U2AF2: variants seen among roughly 807,000 people sequenced by gnomAD.
The protein encoded by U2AF2 is splicing factor U2AF 65 kDa subunit.
In U2AF2, 6 loss-of-function variants were observed where a neutral mutation model predicts 52.6. That is an observed-to-expected ratio of 0.11 (90% CI 0.06 to 0.23). U2AF2 has a LOEUF of 0.23. U2AF2 is among the 10% of genes least tolerant of loss of function. The pLI, the probability that U2AF2 is intolerant of heterozygous loss-of-function variation, is 1.00. For synonymous variants in U2AF2, 284 were observed against 258.2 expected, an observed-to-expected ratio of 1.10 and a Z score of -0.96; for missense variants, 222 against 677.1, an observed-to-expected ratio of 0.33 and a Z score of 7.46.
intron 1 of U2AF2, among the ~76,000 whole-genome samples, chr19:55,657,887 GC>G (rs1345089511): frequency 6.6e-6 from 1 of 152,108 alleles, no homozygotes; most frequent in Non-Finnish European, 1.5e-5. Context: ...CATTATGTCA[GC>G]CCCCAGCAGT....
intron 7 of U2AF2, among the ~76,000 whole-genome samples, chr19:55,666,328 C>T (rs754704745): frequency 3.9e-5 from 6 of 152,216 alleles, no homozygotes; most frequent in Non-Finnish European, 7.3e-5. Context: ...TAGATGCAGC[C>T]GCTGCAGAGG....
rs372565135 is a variant in U2AF2, at chr19:55,669,650, C to T, written c.1251C>T (p.Ile417=). The part of the protein sequence containing the change: ...SKYGLVKSIE[I]PRPVDGVEVP... ...ACGGGCTTGTCAAGTCCATCGAGAT[C>T]CCCCGGCCTGTGGACGGCGTCGAGG... Residue 417 remains isoleucine, a synonymous_variant, in exon 11 of 12, where the codon ATC becomes ATT. Coordinates refer to ENST00000308924, the MANE Select transcript of U2AF2 (RefSeq NM_007279.3). 5.0e-6 allele frequency: 8 copies of T among 1,612,248 alleles called. No individual in the cohort carries two copies. Among genetic ancestry groups the T allele is most frequent in the South Asian group, 4.4e-5 (4 of 91,024 alleles).
chr19:55,667,716 T>C (rs1246754845), intron 7 of U2AF2, among the ~76,000 whole-genome samples: 1 of 151,902 alleles, frequency 6.6e-6, no homozygotes, highest in Non-Finnish European at 1.5e-5. Flanking sequence ...GTGCCACCCC[T>C]GTGAGGGCAG....
intron 1 of U2AF2, 72 bp downstream of exon 1, chr19:55,655,225 T>G (rs1983699373): frequency 1.3e-6 from 2 of 1,519,646 alleles, no homozygotes; most frequent in Non-Finnish European, 1.8e-6. Context: ...CCCGCCATTT[T>G]CTCCCTCGCT....
In U2AF2 at chr19:55,674,140, C is replaced by G; in HGVS notation, c.*72C>G. On this transcript the variant is annotated 3_prime_UTR_variant, in exon 12 of 12. Transcript: ENST00000308924. Reference sequence around the variant, plus strand: ...CCACTCCCGCCCCCCCCTTATCCCCCTCTGAAGACGATGGGCAGAGGAGTG... The same window carrying G: ...CCACTCCCGCCCCCCCCTTATCCCCGTCTGAAGACGATGGGCAGAGGAGTG... 6.9e-7 allele frequency: 1 copy of G among 1,456,900 alleles called. No homozygotes were observed. Among genetic ancestry groups the G allele is most frequent in the Admixed American group, 2.4e-5 (1 of 41,234 alleles). The allele number at this position is 1,456,900 out of a possible 1,614,324, so 90.2% of individuals were successfully genotyped here. A position where few individuals can be genotyped will look rare whatever the true frequency, so the allele number is the denominator to read the frequency against.
intron 11 of U2AF2, 104 bp from the exon 12 acceptor site, chr19:55,673,830 C>T (rs1270357109): frequency 1.3e-6 from 2 of 1,485,168 alleles, no homozygotes; most frequent in Non-Finnish European, 1.8e-6. Flanking sequence ...GGCGAAGCCC[C>T]CTCCTCCCTG....
rs926618789 is a variant in U2AF2 at position 55,655,043 on chromosome 19, C to T, written c.-62C>T. 3.8e-6 allele frequency: 6 copies of T among 1,590,764 alleles called. No homozygotes were observed. The highest frequency in any genetic ancestry group is 1.4e-5 in the African/African-American group (1 of 73,104). ...AAGCCAGCGGCGGAAGTAGCCGAAGCGGCTGGAGCGGGCGGCAAGGCGAGG... is the reference window on the plus strand; with the variant it reads ...AAGCCAGCGGCGGAAGTAGCCGAAGTGGCTGGAGCGGGCGGCAAGGCGAGG... On this transcript the variant is annotated 5_prime_UTR_variant, in exon 1 of 12. Transcript: ENST00000308924.
At chr19:55,671,831 T>G (rs1423206124) in intron 11 of U2AF2, 2 of 152,242 alleles carry the variant, frequency 1.3e-5, no homozygotes, top group Non-Finnish European at 2.9e-5. Flanking sequence ...GCATATTAAA[T>G]TTATTGCATC....
chr19:55,674,359 G>C lies in U2AF2; in HGVS notation c.*291G>C, dbSNP rs993446045. 1.2e-4 allele frequency: 44 copies of C among 361,966 alleles called. 1 individual carries two copies. The East Asian group carries it at 2.3e-3, about 19-fold the overall frequency. The allele number at this position is 361,966 out of a possible 1,614,324, so 22.4% of individuals were successfully genotyped here. On this transcript the variant is annotated 3_prime_UTR_variant, in exon 12 of 12. Coordinates refer to ENST00000308924, the MANE Select transcript of U2AF2 (RefSeq NM_007279.3). The stretch of plus-strand genomic sequence containing the variant: ...ATGGGGACAGGGTGCACAGCAGGGC[G>C]GGGTAGGACCCCAGCCCCTCCCAAA...
At chr19:55,663,553 G>C (rs1984354295) in intron 6 of U2AF2, 53 bp from the exon 7 acceptor site, 11 of 1,590,988 alleles carry the variant, frequency 6.9e-6, no homozygotes, top group South Asian at 6.8e-5. Context: ...AACACTAGGG[G>C]CTGTACTAGT....
intron 1 of U2AF2, among the ~76,000 whole-genome samples, chr19:55,656,025 G>A (rs1311818122): frequency 6.6e-6 from 1 of 152,220 alleles, no homozygotes; most frequent in African/African-American, 2.4e-5. Context: ...CTGGCCCACT[G>A]CGCTAAACTC....
chr19:55,662,992 AC>A (rs1365198628), intron 6 of U2AF2, among the ~76,000 whole-genome samples: 3 of 151,836 alleles, frequency 2.0e-5, no homozygotes, highest in Non-Finnish European at 4.4e-5. Context: ...GTCTTCTGTT[AC>A]CCCAGCTAAC....
chr19:55,660,297 G>T, intron 3 of U2AF2, 76 bp downstream of exon 3: 1 of 1,522,180 alleles, frequency 6.6e-7, no homozygotes, highest in Non-Finnish European at 9.0e-7. Flanking sequence ...ACCCTGTCCC[G>T]CCCATTTCCA....
intron 6 of U2AF2, 29 bp downstream of exon 6, chr19:55,662,647 G>A (rs770337054): frequency 1.3e-6 from 2 of 1,595,760 alleles, no homozygotes; most frequent in South Asian, 2.2e-5. Context: ...TGAGGTCCAG[G>A]AAACGTGTGT....
intron 7 of U2AF2, among the ~76,000 whole-genome samples, chr19:55,666,996 C>T (rs576038196): frequency 1.1e-4 from 16 of 152,202 alleles, no homozygotes; most frequent in Non-Finnish European, 2.1e-4. Context: ...GAAAGTCTTA[C>T]AGGATGCCTG....
chr19:55,660,485 C>T lies in U2AF2; in HGVS notation c.231-31C>T, dbSNP rs779020652. The T allele has an allele frequency of 3.7e-6, 4 of 1,068,822 alleles. No homozygotes were observed. The African/African-American group carries it at 4.7e-5, about 12-fold the overall frequency. 66.2% of individuals were successfully genotyped at this position (1,068,822 alleles called of 1,614,324 possible). On this transcript the variant is annotated intron_variant, in intron 3 of 11. Transcript: ENST00000308924. Reference sequence around the variant, plus strand: ...CACTGTTGGTCAGACTGAGGTTGCCCTGCCCCGCTCTCCCCTCCCACCTCC... The same window carrying T: ...CACTGTTGGTCAGACTGAGGTTGCCTTGCCCCGCTCTCCCCTCCCACCTCC...
intron 7 of U2AF2, among the ~76,000 whole-genome samples, chr19:55,667,537 C>G (rs1313275697): frequency 6.6e-6 from 1 of 152,140 alleles, no homozygotes; most frequent in South Asian, 2.1e-4. Flanking sequence ...AGGGCAGGAT[C>G]GAGGGCCAGT....
chr19:55,673,842 C>A, intron 11 of U2AF2, 92 bp from the exon 12 acceptor site: 1 of 1,515,652 alleles, frequency 6.6e-7, no homozygotes, highest in Non-Finnish European at 8.9e-7. Flanking sequence ...TCCTCCCTGT[C>A]CCTTCCTGCC....
At position 55,655,064 on chromosome 19, in the gene U2AF2, C is replaced by G. The variant is rs1040392244; in HGVS notation, c.-41C>G. On this transcript the variant is annotated 5_prime_UTR_variant, in exon 1 of 12. Coordinates refer to ENST00000308924, the MANE Select transcript of U2AF2 (RefSeq NM_007279.3). ...GAAGCGGCTGGAGCGGGCGGCAAGG[C>G]GAGGCGAAAGCTGCACAGGGCCCTA... The G allele has an allele frequency of 1.2e-6, 2 of 1,603,232 alleles. No individual in the cohort carries two copies. The highest frequency in any genetic ancestry group is 1.7e-5 in the Admixed American group (1 of 59,426).
Sources: gnomAD v4.1 joint callset for allele counts (sites outside exome capture counted in the v4.1 genomes callset) on GRCh38, gnomAD v4.1.1 for gene constraint, MANE v1.5 for transcripts, NCBI Gene and HGNC (gene_info 2026-07-23, HGNC 2026-07-21) for gene names.